HCRTR2: variants seen among roughly 807,000 people sequenced by gnomAD.
The protein encoded by HCRTR2 is hypocretin receptor 2, also known as orexin receptor type 2.
In HCRTR2, 22 loss-of-function variants were observed where a neutral mutation model predicts 49.0. The ratio of observed to expected loss-of-function variants is 0.45; its 90% confidence interval spans 0.32 to 0.64. The LOEUF (loss-of-function observed/expected upper bound fraction) is 0.64. HCRTR2 is among the 30% of genes least tolerant of loss of function. The probability of loss-of-function intolerance (pLI) is 0.04; values close to 1 mark genes in which losing one functional copy is unlikely to be tolerated. For missense variants in HCRTR2, 491 were observed against 559.4 expected (o/e 0.88, Z 1.23); for synonymous variants, 236 against 205.3 (o/e 1.15, Z -1.28).
chr6:55,260,246 T>C (rs747468859), intron 3 of HCRTR2, among the ~76,000 whole-genome samples: 7 of 152,140 alleles, frequency 4.6e-5, no homozygotes, highest in Non-Finnish European at 1.0e-4. Context: ...GCTTCGCAGG[T>C]ATGTAAGCTT....
At chr6:55,218,643 A>G (rs983086104) in intron 1 of HCRTR2, among the ~76,000 whole-genome samples, 6 of 152,338 alleles carry the variant, frequency 3.9e-5, no homozygotes, top group Admixed American at 2.6e-4. Context: ...TTGTAAGTCA[A>G]TAATTGTCAC....
intron 1 of HCRTR2, among the ~76,000 whole-genome samples, chr6:55,188,387 C>T (rs552344407): frequency 7.9e-5 from 12 of 152,202 alleles, no homozygotes; most frequent in Non-Finnish European, 1.8e-4. Flanking sequence ...TTCAGAAGAC[C>T]GCTCTGAATG....
At chr6:55,107,195 A>T (rs1231402951) in intron 1 of HCRTR2, among the ~76,000 whole-genome samples, 1 of 152,188 alleles carries the variant, frequency 6.6e-6, no homozygotes, top group Non-Finnish European at 1.5e-5. Flanking sequence ...GATTTTTAAA[A>T]ATTGATCATT....
chr6:55,232,217 T>A (rs79869596), intron 1 of HCRTR2, among the ~76,000 whole-genome samples: 197 of 152,326 alleles, frequency 1.3e-3, no homozygotes, highest in Non-Finnish European at 2.0e-3. Context: ...TTCATACTCA[T>A]TCACTGGGGT....
intron 1 of HCRTR2, among the ~76,000 whole-genome samples, chr6:55,154,850 ATAGC>A (rs1376282716): frequency 6.6e-6 from 1 of 151,832 alleles, no homozygotes; most frequent in Non-Finnish European, 1.5e-5. Flanking sequence ...AACAAACAAA[ATAGC>A]TAGAGCAAAG....
chr6:55,262,633 T>A (rs1485018580), intron 3 of HCRTR2, among the ~76,000 whole-genome samples: 2 of 138,228 alleles, frequency 1.4e-5, no homozygotes, highest in Admixed American at 7.9e-5. Flanking sequence ...ATACAATATA[T>A]AAATTTATAA....
intron 1 of HCRTR2, among the ~76,000 whole-genome samples, chr6:55,111,749 A>G (rs1048522122): frequency 3.3e-5 from 5 of 151,990 alleles, no homozygotes; most frequent in Non-Finnish European, 7.4e-5. Context: ...AATCCTGTTG[A>G]TACTATTCCA....
chr6:55,112,163 T>A (rs1309704990), intron 1 of HCRTR2, among the ~76,000 whole-genome samples: 4 of 152,030 alleles, frequency 2.6e-5, no homozygotes, highest in Non-Finnish European at 5.9e-5. Flanking sequence ...AAAAGCTATC[T>A]ATGACAAATG....
chr6:55,242,538 A>C (rs1352173262), intron 1 of HCRTR2, among the ~76,000 whole-genome samples: 1 of 152,244 alleles, frequency 6.6e-6, no homozygotes, highest in African/African-American at 2.4e-5. Context: ...TAAAATTGAT[A>C]TATTTAGTAC....
At chr6:55,165,642 CT>C (rs1020082450) in intron 1 of HCRTR2, among the ~76,000 whole-genome samples, 3 of 150,804 alleles carry the variant, frequency 2.0e-5, no homozygotes, top group East Asian at 2.0e-4. Context: ...AAATTTAAAA[CT>C]TTTTTGCATC....
At position 55,120,011 on chromosome 6, in the gene HCRTR2, C is replaced by G. The variant is rs111846234; in HGVS notation, c.-378+13466C>G. The stretch of plus-strand genomic sequence containing the variant: ...TATGGCTAGCCAGTTTTCCCAACAC[C>G]GTTTATTAAATAGGAAATATTCTCC... On this transcript the variant is annotated intron_variant, in intron 1 of 7. Transcript: ENST00000615358. Among the ~76,000 whole-genome samples the G allele has an allele frequency of 3.1e-3, 479 of 152,180 alleles. 2 individuals carry two copies. The highest frequency in any genetic ancestry group is 5.6e-3 in the Non-Finnish European group (383 of 68,000).
At chr6:55,118,831 A>G (rs1003889251) in intron 1 of HCRTR2, among the ~76,000 whole-genome samples, 9 of 151,752 alleles carry the variant, frequency 5.9e-5, no homozygotes, top group Non-Finnish European at 8.8e-5. Flanking sequence ...GTACATGTGC[A>G]GAACCTGCAG....
intron 1 of HCRTR2, among the ~76,000 whole-genome samples, chr6:55,179,400 T>C (rs1765094018): frequency 6.6e-6 from 1 of 152,202 alleles, no homozygotes; most frequent in Non-Finnish European, 1.5e-5. Context: ...AGTTTTAAAA[T>C]GCAAACATGC....
intron 1 of HCRTR2, among the ~76,000 whole-genome samples, chr6:55,225,607 T>C (rs4631286): frequency 0.34 from 52,191 of 152,020 alleles, 9,775 homozygotes; most frequent in African/African-American, 0.49. Context: ...CAGTCACTCC[T>C]CATTCATTCA....
intron 1 of HCRTR2, among the ~76,000 whole-genome samples, chr6:55,140,386 G>T (rs1764491102): frequency 1.3e-5 from 2 of 152,040 alleles, no homozygotes; most frequent in Non-Finnish European, 2.9e-5. Context: ...GTTTTCTTAT[G>T]ATTAGATTCA....
intron 1 of HCRTR2, among the ~76,000 whole-genome samples, chr6:55,154,553 A>G (rs377673061): frequency 5.9e-5 from 9 of 151,852 alleles, no homozygotes; most frequent in African/African-American, 1.7e-4. Flanking sequence ...GAAAAAGCAT[A>G]TAACAAACTT....
upstream of HCRTR2, chr6:55,174,190 T>C (rs1764992099): frequency 9.9e-6 from 2 of 202,552 alleles, no homozygotes; most frequent in Admixed American, 5.6e-5. Context: ...TAGTTTTCAT[T>C]ACTTTTTTTT....
chr6:55,170,886 T>C (rs144870624), upstream of HCRTR2, among the ~76,000 whole-genome samples: 2,112 of 152,134 alleles, frequency 0.014, 29 homozygotes, highest in Non-Finnish European at 0.025. Context: ...TCCAGCTTCA[T>C]CCATGTCTCT....
At chr6:55,107,704 C>T (rs1049446367) in intron 1 of HCRTR2, among the ~76,000 whole-genome samples, 1 of 152,088 alleles carries the variant, frequency 6.6e-6, no homozygotes, top group Non-Finnish European at 1.5e-5. Flanking sequence ...TTTACACATA[C>T]ATAAATTTCA....
Sources: gnomAD v4.1 joint callset for allele counts (sites outside exome capture counted in the v4.1 genomes callset) on GRCh38, gnomAD v4.1.1 for gene constraint, MANE v1.5 for transcripts, NCBI Gene and HGNC (gene_info 2026-07-23, HGNC 2026-07-21) for gene names.